Variants in ZNF704 observed in about 807,000 individuals in gnomAD.
ZNF704 encodes zinc finger protein 704.
Under a neutral mutation model 44.7 loss-of-function variants are expected in ZNF704, and 10 were observed. That is an observed-to-expected ratio of 0.22 (90% CI 0.14 to 0.38). The LOEUF is 0.38. Ranked by LOEUF, ZNF704 falls within the 10% of genes least tolerant of loss-of-function variation. The probability of loss-of-function intolerance (pLI) is 1.00; values close to 1 mark genes in which losing one functional copy is unlikely to be tolerated. For synonymous variants in ZNF704, 211 were observed against 207.6 expected (o/e 1.02, Z -0.14); for missense variants, 390 against 545.5 (o/e 0.71, Z 2.84).
Position 80,664,963 on chromosome 8 carries a change from T to C in ZNF704, c.779A>G (p.Gln260Arg). ...GAAAGTAGGAGGTGAAGCCAGGGAC[T>C]GGGAAGGTGAGACCGGGGCCAGGCT... ...LSSLAPVSPS[Q>R]SLASPPTFPI... The change falls in exon 6 of 9, where the codon CAG (glutamine) becomes CGG (arginine). Residue 260 changes from glutamine to arginine, a missense_variant. Gln to Arg is a conservative substitution (Grantham distance 43). Transcript: ENST00000327835. 6.2e-7 allele frequency: 1 copy of C among 1,614,182 alleles called. No homozygotes were observed. The highest frequency in any genetic ancestry group is 1.1e-5 in the South Asian group (1 of 91,080).
chr8:80,746,924 A>T (rs1806855164), intron 2 of ZNF704, among the ~76,000 whole-genome samples: 1 of 152,150 alleles, frequency 6.6e-6, no homozygotes. Context: ...TCAGTCCATA[A>T]AGTCCTTCAT....
At chr8:80,816,188 C>T (rs925613859) in intron 2 of ZNF704, among the ~76,000 whole-genome samples, 3 of 152,178 alleles carry the variant, frequency 2.0e-5, no homozygotes, top group Admixed American at 6.5e-5. Context: ...GATTGGTCTT[C>T]CTTTGTCGAT....
chr8:80,706,031 A>AGT (rs1471649940), intron 2 of ZNF704, among the ~76,000 whole-genome samples: 1 of 152,166 alleles, frequency 6.6e-6, no homozygotes, highest in Non-Finnish European at 1.5e-5. Flanking sequence ...ATGGGGTTGA[A>AGT]GTACCCTGTG....
At chr8:80,812,330 A>C (rs1185862628) in intron 2 of ZNF704, 1 of 190,810 alleles carries the variant, frequency 5.2e-6, no homozygotes, top group African/African-American at 2.4e-5. Context: ...TGTCATCTGC[A>C]GCAGTGTCAT....
At chr8:80,846,692 C>T (rs1242430016) in intron 1 of ZNF704, among the ~76,000 whole-genome samples, 1 of 152,088 alleles carries the variant, frequency 6.6e-6, no homozygotes, top group African/African-American at 2.4e-5. Flanking sequence ...AAATTTAACT[C>T]AATTTTTACT....
chr8:80,762,595 T>C (rs1471465621), intron 2 of ZNF704, among the ~76,000 whole-genome samples: 1 of 152,154 alleles, frequency 6.6e-6, no homozygotes, highest in African/African-American at 2.4e-5. Flanking sequence ...TACCTCAACA[T>C]GTGGGTATTA....
intron 2 of ZNF704, among the ~76,000 whole-genome samples, chr8:80,769,461 A>G (rs56270023): frequency 0.11 from 16,632 of 151,928 alleles, 1,194 homozygotes; most frequent in African/African-American, 0.21. Flanking sequence ...ACAGTTCCAC[A>G]TGTTCTTGAA....
At chr8:80,784,126 T>G (rs940803692) in intron 2 of ZNF704, among the ~76,000 whole-genome samples, 2 of 152,208 alleles carry the variant, frequency 1.3e-5, no homozygotes, top group Non-Finnish European at 2.9e-5. Flanking sequence ...TAGCACTGAA[T>G]GGTATTCCAT....
chr8:80,774,404 T>A (rs775805730), intron 2 of ZNF704, among the ~76,000 whole-genome samples: 10 of 152,142 alleles, frequency 6.6e-5, no homozygotes, highest in South Asian at 4.1e-4. Context: ...TTCTTTGCCA[T>A]GCCTCTGGCA....
intron 2 of ZNF704, among the ~76,000 whole-genome samples, chr8:80,811,461 C>T (rs894927277): frequency 6.6e-6 from 1 of 151,910 alleles, no homozygotes; most frequent in East Asian, 1.9e-4. Context: ...TTTCATATAA[C>T]CTGCAGCAGA....
At chr8:80,693,152 G>A (rs754618226) in intron 2 of ZNF704, 45 bp from the exon 3 acceptor site, 8 of 1,532,892 alleles carry the variant, frequency 5.2e-6, no homozygotes, top group Non-Finnish European at 6.3e-6. Flanking sequence ...CTCTGCATCT[G>A]CTGTGGGCCA....
At chr8:80,694,950 G>A (rs903984757) in intron 2 of ZNF704, among the ~76,000 whole-genome samples, 3 of 152,110 alleles carry the variant, frequency 2.0e-5, no homozygotes, top group Non-Finnish European at 4.4e-5. Context: ...AGTGCACAAT[G>A]AAATCCACTC....
chr8:80,645,021 C>G, intron 7 of ZNF704: 1 of 1,262,798 alleles, frequency 7.9e-7, no homozygotes, highest in Non-Finnish European at 1.2e-6. Flanking sequence ...CCATCCCTGA[C>G]TCTGCTGAAT....
At chr8:80,761,817 A>T (rs1807136589) in intron 2 of ZNF704, among the ~76,000 whole-genome samples, 1 of 152,246 alleles carries the variant, frequency 6.6e-6, no homozygotes, top group African/African-American at 2.4e-5. Context: ...ATGTATAAAC[A>T]AAGTCACTGT....
At chr8:80,681,061 T>C (rs922626654) in intron 4 of ZNF704, among the ~76,000 whole-genome samples, 4 of 152,192 alleles carry the variant, frequency 2.6e-5, no homozygotes, top group Admixed American at 1.3e-4. Context: ...TGCTCCCTTT[T>C]ATGTGGTGAA....
chr8:80,842,636 C>T (rs1258803797), intron 1 of ZNF704, among the ~76,000 whole-genome samples: 1 of 152,142 alleles, frequency 6.6e-6, no homozygotes, highest in Non-Finnish European at 1.5e-5. Flanking sequence ...AGTGATCAAA[C>T]CAGGAAGAGA....
intron 2 of ZNF704, among the ~76,000 whole-genome samples, chr8:80,716,724 C>T (rs189922247): frequency 6.6e-6 from 1 of 152,336 alleles, no homozygotes; most frequent in Admixed American, 6.5e-5. Context: ...GCACTGGTCT[C>T]TGTTCTCTAT....
chr8:80,850,631 T>G (rs1808842705), intron 1 of ZNF704, among the ~76,000 whole-genome samples: 1 of 152,210 alleles, frequency 6.6e-6, no homozygotes, highest in Admixed American at 6.5e-5. Flanking sequence ...CATCTCATTC[T>G]CCACTTTATA....
chr8:80,703,736 A>ATC (rs1268344502), intron 2 of ZNF704, among the ~76,000 whole-genome samples: 1 of 152,146 alleles, frequency 6.6e-6, no homozygotes, highest in Admixed American at 6.5e-5. Flanking sequence ...CAGCCTCCCA[A>ATC]AGTGCTGGGA....
Sources: allele counts gnomAD v4.1 joint callset (sites outside exome capture counted in the v4.1 genomes callset), GRCh38; gene constraint gnomAD v4.1.1; transcripts MANE v1.5; gene names NCBI Gene and HGNC (gene_info 2026-07-23, HGNC 2026-07-21).